Variants in CFAP61 observed in about 807,000 individuals in gnomAD.
CFAP61 encodes the protein cilia- and flagella-associated protein 61.
CFAP61 carries 107 observed loss-of-function variants against 135.6 expected under a neutral mutation model. The ratio of observed to expected loss-of-function variants is 0.79; its 90% confidence interval spans 0.67 to 0.93. The LOEUF (loss-of-function observed/expected upper bound fraction) is 0.93, where lower values mean the gene tolerates loss of function less well. Among genes scored for constraint, CFAP61 ranks in the 40% least tolerant of loss-of-function variants. The pLI, the probability that CFAP61 is intolerant of heterozygous loss-of-function variation, is 0.00. For missense variants in CFAP61, 1,507 were observed against 1,556.2 expected, an observed-to-expected ratio of 0.97 and a Z score of 0.53; for synonymous variants, 575 against 578.5, an observed-to-expected ratio of 0.99 and a Z score of 0.09.
intron 6 of CFAP61, among the ~76,000 whole-genome samples, chr20:20,084,756 A>T (rs1167111649): frequency 6.6e-6 from 1 of 152,304 alleles, no homozygotes; most frequent in Admixed American, 6.5e-5. Flanking sequence ...CCCACCTTCC[A>T]GGAAGCCAGT....
chr20:20,056,409 C>T (rs2146530670), intron 1 of CFAP61, among the ~76,000 whole-genome samples: 1 of 152,294 alleles, frequency 6.6e-6, no homozygotes, highest in South Asian at 2.1e-4. Flanking sequence ...GTTGCAGAAA[C>T]TTCTAAACAG....
intron 7 of CFAP61, among the ~76,000 whole-genome samples, chr20:20,092,606 G>GAA (rs1473531610): frequency 7.0e-6 from 1 of 143,240 alleles, no homozygotes; most frequent in Non-Finnish European, 1.6e-5. Context: ...CTTGGATCCA[G>GAA]AATATATACA....
rs180798402 is a variant in CFAP61 at position 20,076,313 on chromosome 20, T to C, written c.566+698T>C. Among the ~76,000 whole-genome samples the C allele has an allele frequency of 3.2e-3, 489 of 152,246 alleles. 6 individuals are homozygous for C. The highest frequency in any genetic ancestry group is 0.011 in the African/African-American group (466 of 41,540). ...TGCTTGCTCTGGAGGAAGCCAGCCA[T>C]ATGTAAGAAGTCTGGAGAAGCCACA... On this transcript the variant is annotated intron_variant, in intron 6 of 26. Transcript: ENST00000245957.
chr20:20,155,525 A>C (rs1017210587), intron 9 of CFAP61, among the ~76,000 whole-genome samples: 1 of 152,238 alleles, frequency 6.6e-6, no homozygotes, highest in Admixed American at 6.5e-5. Flanking sequence ...TGTATCTGAC[A>C]AAGAACTAGT....
chr20:20,087,330 C>A (rs938644481), intron 6 of CFAP61, among the ~76,000 whole-genome samples: 3 of 152,140 alleles, frequency 2.0e-5, no homozygotes, highest in Non-Finnish European at 4.4e-5. Flanking sequence ...TCGTTACCAT[C>A]TTTATGTCCC....
intron 25 of CFAP61, chr20:20,323,158 C>G (rs909290239): frequency 1.0e-6 from 1 of 985,320 alleles, no homozygotes; most frequent in Non-Finnish European, 1.2e-6. Context: ...GGCGAGGATT[C>G]TAGTTTGAGC....
intron 25 of CFAP61, among the ~76,000 whole-genome samples, chr20:20,338,482 T>G (rs2058322804): frequency 6.6e-6 from 1 of 151,790 alleles, no homozygotes; most frequent in Non-Finnish European, 1.5e-5. Flanking sequence ...AAGTGATATG[T>G]TTCTTCCCTG....
intron 8 of CFAP61, among the ~76,000 whole-genome samples, chr20:20,125,896 G>A (rs1428179201): frequency 6.6e-6 from 1 of 151,780 alleles, no homozygotes; most frequent in African/African-American, 2.4e-5. Flanking sequence ...GGGACCTCCA[G>A]TGTTAAGTGC....
chr20:20,208,791 G>A (rs766444028), intron 17 of CFAP61, among the ~76,000 whole-genome samples: 13 of 152,298 alleles, frequency 8.5e-5, no homozygotes, highest in Non-Finnish European at 1.8e-4. Flanking sequence ...AGCAGGTTCT[G>A]CCCGTGCAGG....
chr20:20,100,531 T>C (rs1464962317), intron 8 of CFAP61, among the ~76,000 whole-genome samples: 1 of 152,220 alleles, frequency 6.6e-6, no homozygotes, highest in East Asian at 1.9e-4. Context: ...AAAAATAGTA[T>C]CTAACCCAAA....
intron 4 of CFAP61, 130 bp downstream of exon 4, chr20:20,074,508 T>G (rs982852412): frequency 5.4e-6 from 4 of 737,884 alleles, no homozygotes; most frequent in Non-Finnish European, 7.0e-6. Context: ...TATTAAAATA[T>G]TTACTTTGAA....
chr20:20,355,647 T>G (rs2059087411), intron 26 of CFAP61, among the ~76,000 whole-genome samples: 1 of 133,890 alleles, frequency 7.5e-6, no homozygotes, highest in Non-Finnish European at 1.5e-5. Context: ...GGGGAGGTAG[T>G]CACACTGTGA....
At chr20:20,246,246 G>A in intron 19 of CFAP61, 31 bp downstream of exon 19, 3 of 1,294,994 alleles carry the variant, frequency 2.3e-6, no homozygotes, top group Non-Finnish European at 3.4e-6. Flanking sequence ...TTCATTCTGA[G>A]GCCTAAATGT....
At chr20:20,135,303 G>A (rs1888318635) in intron 8 of CFAP61, among the ~76,000 whole-genome samples, 1 of 152,150 alleles carries the variant, frequency 6.6e-6, no homozygotes, top group Non-Finnish European at 1.5e-5. Flanking sequence ...CTAGAATTGT[G>A]AGAGAATAAA....
chr20:20,118,836 T>C (rs1043114508), intron 8 of CFAP61, among the ~76,000 whole-genome samples: 1 of 151,504 alleles, frequency 6.6e-6, no homozygotes, highest in Non-Finnish European at 1.5e-5. Flanking sequence ...ATGAATCCCA[T>C]TTGATCTTGG....
chr20:20,199,890 C>G lies in CFAP61; in HGVS notation c.1920C>G (p.Val640=). Residue 640 remains valine, a synonymous_variant, in exon 17 of 27, where the codon GTC becomes GTG. Transcript: ENST00000245957. ...KLGINAPSKA[V]SKDPMSYALN... is the part of the protein sequence containing the mutation. ...GCATAAACGCTCCATCAAAGGCGGT[C>G]TCCAAGGATCCGGTGGGTAGCAGGG... 6.2e-7 allele frequency: 1 copy of G among 1,614,068 alleles called. No individual in the cohort carries two copies. Among genetic ancestry groups the G allele is most frequent in the Non-Finnish European group, 8.5e-7 (1 of 1,180,028 alleles).
intron 26 of CFAP61, among the ~76,000 whole-genome samples, chr20:20,345,022 C>G (rs1229249741): frequency 1.3e-5 from 2 of 152,168 alleles, no homozygotes; most frequent in African/African-American, 4.8e-5. Context: ...ATTGTATATT[C>G]TCACACATGT....
chr20:20,052,616 A>G (rs1331926649), intron 1 of CFAP61, 25 bp downstream of exon 1: 1 of 1,613,766 alleles, frequency 6.2e-7, no homozygotes, highest in Non-Finnish European at 8.5e-7. Flanking sequence ...GCTGACTAGC[A>G]GCGACGCAAG....
chr20:20,067,490 A>C (rs2045360046), intron 2 of CFAP61, among the ~76,000 whole-genome samples: 3 of 151,508 alleles, frequency 2.0e-5, no homozygotes, highest in African/African-American at 7.3e-5. Flanking sequence ...AAAAATACAA[A>C]AATTAGCTGG....
Sources: allele counts gnomAD v4.1 joint callset (sites outside exome capture counted in the v4.1 genomes callset), GRCh38; gene constraint gnomAD v4.1.1; transcripts MANE v1.5; gene names NCBI Gene and HGNC (gene_info 2026-07-23, HGNC 2026-07-21).